MARCHF1: variants seen among roughly 807,000 people sequenced by gnomAD.
The protein encoded by MARCHF1 is E3 ubiquitin-protein ligase MARCHF1.
MARCHF1 carries 40 observed loss-of-function variants against 54.2 expected under a neutral mutation model. The observed-to-expected ratio is 0.74, with a 90% CI of 0.57 to 0.96. The LOEUF (loss-of-function observed/expected upper bound fraction) is 0.96. MARCHF1 is among the 40% of genes least tolerant of loss of function. MARCHF1 has a pLI of 0.00. For missense variants in MARCHF1, 586 were observed against 656.5 expected, an observed-to-expected ratio of 0.89 and a Z score of 1.17; for synonymous variants, 236 against 236.3, an observed-to-expected ratio of 1.00 and a Z score of 0.01.
intron 3 of MARCHF1, among the ~76,000 whole-genome samples, chr4:163,866,057 T>G (rs1274855881): frequency 6.6e-6 from 1 of 151,760 alleles, no homozygotes; most frequent in Non-Finnish European, 1.5e-5. Context: ...AGTTATATAT[T>G]TTCTTCTTGA....
intron 4 of MARCHF1, among the ~76,000 whole-genome samples, chr4:163,789,116 GTATT>G (rs1249789142): frequency 1.3e-5 from 2 of 151,782 alleles, no homozygotes; most frequent in African/African-American, 4.8e-5. Context: ...ATTTATGTAT[GTATT>G]TAAACATTTA....
chr4:163,723,901 T>C (rs34119766), intron 4 of MARCHF1, among the ~76,000 whole-genome samples: 56,800 of 152,020 alleles, frequency 0.37, 11,386 homozygotes, highest in Admixed American at 0.45. Flanking sequence ...TTCTCTACAC[T>C]GGTTATTTTA....
At chr4:164,233,762 T>C (rs982507757) in intron 1 of MARCHF1, among the ~76,000 whole-genome samples, 3 of 152,112 alleles carry the variant, frequency 2.0e-5, no homozygotes, top group African/African-American at 7.2e-5. Flanking sequence ...GTGCAAACTG[T>C]TAAAAAATGA....
Position 164,189,086 on chromosome 4 carries a change from T to C in MARCHF1, c.-322-77424A>G. ...ACCTTCAATGCGTCTCCTCTCACCA[T>C]TGACAATGGTGTCTTCGGAGTCGTG... On this transcript the variant is annotated intron_variant, in intron 1 of 9. Coordinates refer to ENST00000514618, the MANE Select transcript of MARCHF1 (RefSeq NM_001394959.1). The C allele has an allele frequency of 5.8e-6, 4 of 688,104 alleles. No individual in the cohort carries two copies. In the East Asian group the frequency reaches 7.6e-5, roughly 13 times the overall value. 42.6% of individuals were successfully genotyped at this position (688,104 alleles called of 1,614,324 possible).
At chr4:163,998,693 C>A (rs1464650623) in intron 2 of MARCHF1, among the ~76,000 whole-genome samples, 2 of 151,648 alleles carry the variant, frequency 1.3e-5, no homozygotes, top group African/African-American at 4.8e-5. Context: ...TCTATGAGTT[C>A]AACTTTGTTA....
chr4:163,962,755 A>G (rs1752366201), intron 3 of MARCHF1, among the ~76,000 whole-genome samples: 1 of 151,984 alleles, frequency 6.6e-6, no homozygotes, highest in Non-Finnish European at 1.5e-5. Context: ...TAATGAATTT[A>G]GTATAAATTC....
chr4:164,381,348 A>G (rs2110989968), intron 1 of MARCHF1, among the ~76,000 whole-genome samples: 1 of 152,338 alleles, frequency 6.6e-6, no homozygotes, highest in Non-Finnish European at 1.5e-5. Context: ...CTATCAAATA[A>G]GTCAAATTAT....
intron 4 of MARCHF1, among the ~76,000 whole-genome samples, chr4:163,750,707 G>T (rs1335872878): frequency 6.6e-6 from 1 of 151,956 alleles, no homozygotes; most frequent in Non-Finnish European, 1.5e-5. Context: ...GCATAACCTT[G>T]ATACCCACAG....
intron 5 of MARCHF1, among the ~76,000 whole-genome samples, chr4:163,654,873 C>T (rs978995839): frequency 6.6e-6 from 1 of 151,602 alleles, no homozygotes; most frequent in Non-Finnish European, 1.5e-5. Flanking sequence ...GATTTGTATA[C>T]ATAAACTGTG....
intron 1 of MARCHF1, among the ~76,000 whole-genome samples, chr4:164,315,523 C>T (rs374411017): frequency 3.9e-5 from 6 of 152,072 alleles, no homozygotes; most frequent in East Asian, 1.9e-4. Flanking sequence ...AGATGTACCC[C>T]GTATCACTGT....
intron 1 of MARCHF1, among the ~76,000 whole-genome samples, chr4:164,154,395 T>G (rs1420505220): frequency 6.6e-6 from 1 of 152,216 alleles, no homozygotes; most frequent in Non-Finnish European, 1.5e-5. Flanking sequence ...GGGTTTTGAT[T>G]CAAGTAATTC....
At chr4:164,149,749 C>G (rs1729881354) in intron 1 of MARCHF1, among the ~76,000 whole-genome samples, 2 of 152,080 alleles carry the variant, frequency 1.3e-5, no homozygotes, top group South Asian at 2.1e-4. Flanking sequence ...TGAGAAGATT[C>G]TAGAGCATAC....
chr4:164,266,343 C>T (rs1489075800), intron 1 of MARCHF1, among the ~76,000 whole-genome samples: 1 of 152,090 alleles, frequency 6.6e-6, no homozygotes, highest in Non-Finnish European at 1.5e-5. Flanking sequence ...AGAGAGATAT[C>T]TGACATGAAA....
At chr4:164,241,373 C>T (rs756909234) in intron 1 of MARCHF1, among the ~76,000 whole-genome samples, 37 of 152,272 alleles carry the variant, frequency 2.4e-4, no homozygotes, top group Non-Finnish European at 4.3e-4. Context: ...AACATCATTG[C>T]TGTTGTGCTC....
chr4:164,341,717 C>A (rs948729768), intron 1 of MARCHF1, among the ~76,000 whole-genome samples: 2 of 152,090 alleles, frequency 1.3e-5, no homozygotes, highest in African/African-American at 4.8e-5. Context: ...GGGCTCTGTC[C>A]CCATGACCTA....
rs1748376601 is a variant in MARCHF1, at chr4:163,811,250, TGGCACTAAACATTG to T, written c.111+42757_111+42770del. ...TTATAGACTGTTTTAAGATTTTTAG[TGGCACTAAACATTG>T]TTTAGTGGCACTAAACAATTTATTT... On this transcript the variant is annotated intron_variant, in intron 4 of 9. Transcript: ENST00000514618. Among the ~76,000 whole-genome samples, 19 of 51,776 alleles carry T rather than the reference TGGCACTAAACATTG, an allele frequency of 3.7e-4. No individual in the cohort carries two copies. The South Asian group carries it at 0.015, about 41-fold the overall frequency. 34.0% of individuals were successfully genotyped at this position (51,776 alleles called of 152,430 possible).
At chr4:163,553,399 G>A (rs990503746) in intron 8 of MARCHF1, among the ~76,000 whole-genome samples, 2 of 152,190 alleles carry the variant, frequency 1.3e-5, no homozygotes. Flanking sequence ...TTAAGTCAGC[G>A]AAAGCACCTG....
At chr4:164,081,038 G>C (rs13122661) in intron 2 of MARCHF1, among the ~76,000 whole-genome samples, 121,765 of 145,906 alleles carry the variant, frequency 0.83, 51,341 homozygotes, top group Non-Finnish European at 0.89. Flanking sequence ...GAAACCCCGT[G>C]TCTACTAAAA....
chr4:163,882,689 C>T lies in MARCHF1; in HGVS notation c.-38-28520G>A, dbSNP rs1169299979. On this transcript the variant is annotated intron_variant, in intron 3 of 9. Coordinates refer to ENST00000514618, the MANE Select transcript of MARCHF1 (RefSeq NM_001394959.1). ...CATTAAAATTTTAACAAATTATTAG[C>T]TGGGGGCAGTGGCTTATACCTGTAA... Among the ~76,000 whole-genome samples the T allele has an allele frequency of 1.3e-5, 2 of 152,046 alleles. 1 individual carries two copies. The highest frequency in any genetic ancestry group is 2.9e-5 in the Non-Finnish European group (2 of 68,030).
Sources: allele counts gnomAD v4.1 joint callset (sites outside exome capture counted in the v4.1 genomes callset), GRCh38; gene constraint gnomAD v4.1.1; transcripts MANE v1.5; gene names NCBI Gene and HGNC (gene_info 2026-07-23, HGNC 2026-07-21).